The following KCNN2 variants were observed in gnomAD, a reference collection of about 807,000 sequenced individuals.
KCNN2 encodes small conductance calcium-activated potassium channel protein 2.
Under a neutral mutation model 55.5 loss-of-function variants are expected in KCNN2, and 24 were observed. That is an observed-to-expected ratio of 0.43 (90% CI 0.31 to 0.61). The LOEUF is 0.61. Ranked by LOEUF, KCNN2 falls within the 20% of genes least tolerant of loss-of-function variation. The pLI is 0.08. For synonymous variants in KCNN2, 431 were observed against 336.1 expected (o/e 1.28, Z -3.09); for missense variants, 754 against 853.6 (o/e 0.88, Z 1.45).
chr5:114,274,370 A>T (rs1395729444), intron 2 of KCNN2, among the ~76,000 whole-genome samples: 1 of 152,054 alleles, frequency 6.6e-6, no homozygotes, highest in Non-Finnish European at 1.5e-5. Flanking sequence ...CAATTTTGTG[A>T]GTAAAGTCAG....
rs761525948 is a variant in KCNN2 at position 114,452,003 on chromosome 5, C to T, written c.1638-11046C>T. ...TGCCACTGCTGCTTCTCTTTGTTTA[C>T]TTACTAATATTAAAGGAAGTCTGTA... On this transcript the variant is annotated intron_variant, in intron 3 of 7. Transcript: ENST00000673685. 2.6e-4 allele frequency among the ~76,000 whole-genome samples: 39 copies of T among 151,968 alleles called. 1 individual carries two copies. The highest frequency in any genetic ancestry group is 2.3e-3 in the Admixed American group (35 of 15,274).
chr5:114,422,740 G>A lies in KCNN2; in HGVS notation c.1637+17884G>A, dbSNP rs967220377. Reference sequence around the variant, plus strand: ...ATGTGGTCTCCTGGATTTGCTTTGTGTACAGCTGTGGGCTGTTTTTTTTGA... The same window carrying A: ...ATGTGGTCTCCTGGATTTGCTTTGTATACAGCTGTGGGCTGTTTTTTTTGA... On this transcript the variant is annotated intron_variant, in intron 3 of 7. Transcript: ENST00000673685. 2.0e-5 allele frequency among the ~76,000 whole-genome samples: 3 copies of A among 152,280 alleles called. No homozygotes were observed. The South Asian group carries it at 6.2e-4, about 32-fold the overall frequency.
chr5:114,160,214 C>G (rs1370998088), intron 1 of KCNN2, among the ~76,000 whole-genome samples: 2 of 152,148 alleles, frequency 1.3e-5, no homozygotes, highest in African/African-American at 4.8e-5. Context: ...TCTTTGTTCT[C>G]ATTGGTTTCA....
intron 1 of KCNN2, among the ~76,000 whole-genome samples, chr5:114,074,291 T>TGC: frequency 9.6e-6 from 1 of 103,802 alleles, no homozygotes; most frequent in Non-Finnish European, 2.0e-5. Flanking sequence ...AGGCCATGTT[T>TGC]GCGTGTGTGT....
intron 1 of KCNN2, among the ~76,000 whole-genome samples, chr5:114,188,912 T>A (rs1200113252): frequency 6.6e-6 from 1 of 152,152 alleles, no homozygotes; most frequent in African/African-American, 2.4e-5. Flanking sequence ...CTGATTCAGA[T>A]CCCTTGGGAG....
chr5:114,185,275 A>T (rs1239336774), intron 1 of KCNN2, among the ~76,000 whole-genome samples: 1 of 152,258 alleles, frequency 6.6e-6, no homozygotes, highest in East Asian at 1.9e-4. Context: ...TCCTCTTGCA[A>T]AATCAATTTA....
chr5:114,171,222 T>G (rs554988346), intron 1 of KCNN2, among the ~76,000 whole-genome samples: 2 of 152,146 alleles, frequency 1.3e-5, no homozygotes, highest in East Asian at 3.9e-4. Flanking sequence ...CTAGTAGCTT[T>G]GTCTTCAACT....
intron 2 of KCNN2, among the ~76,000 whole-genome samples, chr5:114,383,545 T>C (rs1486169151): frequency 6.8e-6 from 1 of 146,682 alleles, no homozygotes; most frequent in Non-Finnish European, 1.5e-5. Context: ...CTCGGCCCAC[T>C]GCAACCTCCG....
At chr5:114,256,015 C>G (rs979091241) in intron 2 of KCNN2, among the ~76,000 whole-genome samples, 2 of 152,076 alleles carry the variant, frequency 1.3e-5, no homozygotes, top group African/African-American at 4.8e-5. Flanking sequence ...TCTCACCTTT[C>G]TGAGTCTCCA....
intron 2 of KCNN2, among the ~76,000 whole-genome samples, chr5:114,313,574 G>T (rs2150026908): frequency 6.6e-6 from 1 of 152,234 alleles, no homozygotes; most frequent in East Asian, 1.9e-4. Flanking sequence ...ACGAAGTTTG[G>T]TCACAGCAGT....
chr5:114,329,855 C>T (rs965213785), intron 2 of KCNN2, among the ~76,000 whole-genome samples: 7 of 152,202 alleles, frequency 4.6e-5, no homozygotes, highest in Admixed American at 4.6e-4. Context: ...TGCTTCTTTG[C>T]TGGGCCTGGT....
chr5:114,427,908 T>C (rs1319532329), intron 3 of KCNN2, among the ~76,000 whole-genome samples: 1 of 152,232 alleles, frequency 6.6e-6, no homozygotes, highest in Non-Finnish European at 1.5e-5. Context: ...CTAAAAGTGC[T>C]AATTCAGACT....
intron 2 of KCNN2, among the ~76,000 whole-genome samples, chr5:114,298,194 A>G (rs1756070608): frequency 6.6e-6 from 1 of 152,244 alleles, no homozygotes; most frequent in South Asian, 2.1e-4. Context: ...CAAAGAATAC[A>G]CGTTCTTTAA....
chr5:114,411,324 G>A (rs1759124249), intron 3 of KCNN2, among the ~76,000 whole-genome samples: 1 of 152,092 alleles, frequency 6.6e-6, no homozygotes, highest in South Asian at 2.1e-4. Flanking sequence ...TAGTCTGTTA[G>A]AGAAGCACAA....
intron 2 of KCNN2, among the ~76,000 whole-genome samples, chr5:114,233,950 A>G (rs1754417658): frequency 6.6e-6 from 1 of 150,476 alleles, no homozygotes; most frequent in Admixed American, 6.6e-5. Context: ...TTTTATATAT[A>G]CTTCATTCAT....
chr5:114,440,489 G>C (rs1356842618), intron 3 of KCNN2, among the ~76,000 whole-genome samples: 1 of 152,126 alleles, frequency 6.6e-6, no homozygotes, highest in Non-Finnish European at 1.5e-5. Context: ...AGAAGGAATA[G>C]GGAGGAAAGA....
intron 3 of KCNN2, among the ~76,000 whole-genome samples, chr5:114,435,884 A>G (rs1759987029): frequency 6.6e-6 from 1 of 152,204 alleles, no homozygotes. Flanking sequence ...ACAATTCCTT[A>G]AGTAGATAAG....
chr5:114,412,713 C>T (rs1162769481), intron 3 of KCNN2, among the ~76,000 whole-genome samples: 1 of 152,216 alleles, frequency 6.6e-6, no homozygotes, highest in Non-Finnish European at 1.5e-5. Context: ...TAGCCTACTC[C>T]TTTCCCAGCA....
At chr5:114,343,581 G>C (rs1757055718) in intron 2 of KCNN2, among the ~76,000 whole-genome samples, 1 of 152,096 alleles carries the variant, frequency 6.6e-6, no homozygotes, top group Admixed American at 6.6e-5. Flanking sequence ...ATGCAGAAAG[G>C]AGAGAGGGGC....
Sources: allele counts gnomAD v4.1 joint callset (sites outside exome capture counted in the v4.1 genomes callset), GRCh38; gene constraint gnomAD v4.1.1; transcripts MANE v1.5; gene names NCBI Gene and HGNC (gene_info 2026-07-23, HGNC 2026-07-21).